FBXL2: variants seen among roughly 807,000 people sequenced by gnomAD.
The protein encoded by FBXL2 is F-box and leucine rich repeat protein 2.
A neutral mutation model predicts 69.2 loss-of-function variants in FBXL2; 38 were observed. That is an observed-to-expected ratio of 0.55 (90% CI 0.42 to 0.72). The LOEUF is 0.72. Ranked by LOEUF, FBXL2 falls within the 30% of genes least tolerant of loss-of-function variation. The pLI is 0.00. For missense variants in FBXL2, 354 were observed against 520.3 expected (o/e 0.68, Z 3.11); for synonymous variants, 192 against 201.3 (o/e 0.95, Z 0.39).
intron 12 of FBXL2, among the ~76,000 whole-genome samples, chr3:33,400,716 G>T (rs1175299212): frequency 6.6e-6 from 1 of 152,082 alleles, no homozygotes; most frequent in Non-Finnish European, 1.5e-5. Context: ...GGATTAAAGG[G>T]TGCAAACAAA....
At chr3:33,358,197 C>T (rs1355831265) in intron 2 of FBXL2, among the ~76,000 whole-genome samples, 1 of 152,186 alleles carries the variant, frequency 6.6e-6, no homozygotes, top group South Asian at 2.1e-4. Flanking sequence ...CTGACTTCAA[C>T]CCTGTCCACC....
At chr3:33,330,244 A>G (rs1414317212) in intron 2 of FBXL2, among the ~76,000 whole-genome samples, 6 of 151,704 alleles carry the variant, frequency 4.0e-5, no homozygotes, top group Non-Finnish European at 8.8e-5. Flanking sequence ...GATTGCACCA[A>G]TCATAGTCCA....
intron 1 of FBXL2, among the ~76,000 whole-genome samples, chr3:33,286,571 A>G (rs576816171): frequency 1.1e-4 from 16 of 152,344 alleles, no homozygotes; most frequent in Non-Finnish European, 1.8e-4. Context: ...AAGCTGTCAG[A>G]CAGGGACATT....
At chr3:33,334,846 T>A (rs2125836691) in intron 2 of FBXL2, among the ~76,000 whole-genome samples, 1 of 152,174 alleles carries the variant, frequency 6.6e-6, no homozygotes, top group East Asian at 1.9e-4. Context: ...TTTGGGAAGC[T>A]GAGGCAGGTG....
chr3:33,315,565 T>A (rs2037611781), intron 2 of FBXL2, among the ~76,000 whole-genome samples: 2 of 152,176 alleles, frequency 1.3e-5, no homozygotes, highest in African/African-American at 4.8e-5. Flanking sequence ...TGGAGACTGC[T>A]GCCCTAAGGC....
At chr3:33,301,467 T>C (rs2036289462) in intron 2 of FBXL2, among the ~76,000 whole-genome samples, 1 of 152,230 alleles carries the variant, frequency 6.6e-6, no homozygotes, top group Non-Finnish European at 1.5e-5. Context: ...TAATCTGGAA[T>C]AATATGCTGC....
rs1437186380 is a variant in FBXL2, at chr3:33,385,846, C to T, written c.*238C>T. Reference sequence around the variant, plus strand: ...TAACACATGACAAGTGGTCTCAATGCAGCTAGGACCATGCCAGAAACCTGG... The same window carrying T: ...TAACACATGACAAGTGGTCTCAATGTAGCTAGGACCATGCCAGAAACCTGG... On this transcript the variant is annotated 3_prime_UTR_variant, in exon 15 of 15. Transcript: ENST00000484457. 1.9e-6 allele frequency: 1 copy of T among 528,282 alleles called. No homozygotes were observed. Among genetic ancestry groups the T allele is most frequent in the East Asian group, 3.4e-5 (1 of 29,758 alleles). The allele number at this position is 528,282 out of a possible 1,614,324, so 32.7% of individuals were successfully genotyped here.
At chr3:33,380,685 G>A (rs1442747080) in intron 13 of FBXL2, among the ~76,000 whole-genome samples, 1 of 152,006 alleles carries the variant, frequency 6.6e-6, no homozygotes, top group Non-Finnish European at 1.5e-5. Flanking sequence ...AATGAAAAGT[G>A]ATTGTCTTTC....
chr3:33,282,649 T>G (rs2125672079), intron 1 of FBXL2, among the ~76,000 whole-genome samples: 1 of 152,334 alleles, frequency 6.6e-6, no homozygotes, highest in South Asian at 2.1e-4. Context: ...GTATGGCCAT[T>G]TTCACGATAT....
chr3:33,411,736 A>T, the FBXL2 span: 1 of 1,462,458 alleles, frequency 6.8e-7, no homozygotes, highest in Admixed American at 1.7e-5. Context: ...TAAATAACTT[A>T]AAAAACTTAC....
At chr3:33,347,200 C>G (rs1309816438) in intron 2 of FBXL2, among the ~76,000 whole-genome samples, 1 of 152,170 alleles carries the variant, frequency 6.6e-6, no homozygotes, top group Non-Finnish European at 1.5e-5. Context: ...TCAGCCTCCA[C>G]AAAGAAGTGA....
Position 33,396,312 on chromosome 3 carries a change from GGAGA to G in FBXL2, n.1215-6919_1215-6916del. The G allele has an allele frequency of 3.3e-6, 5 of 1,519,498 alleles. No individual in the cohort carries two copies. The East Asian group carries it at 1.2e-4, about 35-fold the overall frequency. The allele number at this position is 1,519,498 out of a possible 1,614,324, so 94.1% of individuals were successfully genotyped here. A position where few individuals can be genotyped will look rare whatever the true frequency, so the allele number is the denominator to read the frequency against. On this transcript the variant is annotated intron_variant and non_coding_transcript_variant, in intron 12 of 12. Coordinates refer to the FBXL2 transcript ENST00000463736. ...TCAGAAGATGCCACTGATGAGCCTG[GGAGA>G]GAAAGCTGCCTTACACATGTACAAA... is the stretch of plus-strand genomic sequence containing the variant.
chr3:33,310,409 T>C (rs1182429046), intron 2 of FBXL2, among the ~76,000 whole-genome samples: 1 of 152,152 alleles, frequency 6.6e-6, no homozygotes, highest in Non-Finnish European at 1.5e-5. Context: ...CACCTCAGCC[T>C]CCCAAAGTGC....
chr3:33,401,196 C>G (rs775696983), intron 12 of FBXL2, among the ~76,000 whole-genome samples: 1 of 152,054 alleles, frequency 6.6e-6, no homozygotes, highest in Admixed American at 6.5e-5. Flanking sequence ...GACATGATGA[C>G]GAAATTAAGA....
At chr3:33,283,761 C>T in intron 1 of FBXL2, among the ~76,000 whole-genome samples, 1 of 152,104 alleles carries the variant, frequency 6.6e-6, no homozygotes, top group Non-Finnish European at 1.5e-5. Flanking sequence ...TCAACTTCTT[C>T]CTGGTTTAGT....
intron 5 of FBXL2, among the ~76,000 whole-genome samples, chr3:33,371,769 G>T (rs1307302000): frequency 6.6e-6 from 1 of 152,082 alleles, no homozygotes; most frequent in Non-Finnish European, 1.5e-5. Flanking sequence ...AAATACTCAG[G>T]TTTTGTTCTG....
intron 1 of FBXL2, among the ~76,000 whole-genome samples, chr3:33,294,042 T>A (rs1285360807): frequency 6.6e-6 from 1 of 152,194 alleles, no homozygotes; most frequent in East Asian, 1.9e-4. Flanking sequence ...AACAATGGAA[T>A]GAAGCTAGAA....
intron 12 of FBXL2, chr3:33,400,215 T>C: frequency 6.2e-7 from 1 of 1,602,912 alleles, no homozygotes; most frequent in Non-Finnish European, 8.5e-7. Flanking sequence ...CAGTCTTGTG[T>C]AGGAAGAGAA....
intron 2 of FBXL2, among the ~76,000 whole-genome samples, chr3:33,304,764 AGTGGATAAGAGATT>A (rs2036574736): frequency 1.3e-5 from 2 of 152,030 alleles, no homozygotes; most frequent in African/African-American, 4.8e-5. Context: ...TCATACAAAG[AGTGGATAAGAGATT>A]CAGTGCCAAA....
Sources: allele counts gnomAD v4.1 joint callset (sites outside exome capture counted in the v4.1 genomes callset), GRCh38; gene constraint gnomAD v4.1.1; transcripts MANE v1.5; gene names NCBI Gene and HGNC (gene_info 2026-07-23, HGNC 2026-07-21).